ABAT: variants seen among roughly 807,000 people sequenced by gnomAD.
ABAT encodes 4-aminobutyrate aminotransferase, mitochondrial.
Under a neutral mutation model 64.6 loss-of-function variants are expected in ABAT, and 45 were observed. The observed-to-expected ratio is 0.70, with a 90% CI of 0.55 to 0.89. The LOEUF is 0.89. ABAT is among the 40% of genes least tolerant of loss of function. ABAT has a pLI of 0.00. For synonymous variants in ABAT, 297 were observed against 250.5 expected, an observed-to-expected ratio of 1.19 and a Z score of -1.75; for missense variants, 633 against 658.4, an observed-to-expected ratio of 0.96 and a Z score of 0.42.
intron 11 of ABAT, among the ~76,000 whole-genome samples, chr16:8,772,130 C>T (rs1327780487): frequency 2.0e-5 from 3 of 152,076 alleles, no homozygotes; most frequent in Non-Finnish European, 4.4e-5. Flanking sequence ...TCACACCAAT[C>T]ATAGCAATAA....
intron 3 of ABAT, among the ~76,000 whole-genome samples, chr16:8,747,267 C>G (rs960030734): frequency 2.0e-5 from 3 of 152,278 alleles, no homozygotes; most frequent in Admixed American, 6.5e-5. Flanking sequence ...CTTTCTAATG[C>G]AAATTTATTT....
At chr16:8,777,615 G>GA (rs1263754362) in intron 14 of ABAT, among the ~76,000 whole-genome samples, 1 of 152,176 alleles carries the variant, frequency 6.6e-6, no homozygotes, top group Non-Finnish European at 1.5e-5. Context: ...GCCTAAAGGG[G>GA]TGTCTAAATG....
intron 1 of ABAT, among the ~76,000 whole-genome samples, chr16:8,691,607 A>AT (rs2057583680): frequency 6.6e-6 from 1 of 152,100 alleles, no homozygotes; most frequent in Admixed American, 6.6e-5. Flanking sequence ...ACTCGGCAAC[A>AT]TTTTTGTATT....
At chr16:8,696,070 T>C (rs1034472252) in intron 1 of ABAT, among the ~76,000 whole-genome samples, 1 of 152,186 alleles carries the variant, frequency 6.6e-6, no homozygotes, top group African/African-American at 2.4e-5. Context: ...AAAATCCGCC[T>C]TCGATTTTGT....
chr16:8,676,781 A>G (rs976406143), intron 1 of ABAT, among the ~76,000 whole-genome samples: 10 of 152,168 alleles, frequency 6.6e-5, no homozygotes, highest in African/African-American at 2.4e-4. Context: ...CTTCCCTCCA[A>G]GGTCCCCTCC....
chr16:8,781,533 G>A lies in ABAT; in HGVS notation c.*103G>A, dbSNP rs1266363050. The A allele has an allele frequency of 1.4e-6, 2 of 1,420,524 alleles. No individual in the cohort carries two copies. Among genetic ancestry groups the A allele is most frequent in the East Asian group, 2.9e-5 (1 of 34,478 alleles). 88.0% of individuals were successfully genotyped at this position (1,420,524 alleles called of 1,614,324 possible). On this transcript the variant is annotated 3_prime_UTR_variant, in exon 16 of 16. Coordinates refer to ENST00000268251, the MANE Select transcript of ABAT (RefSeq NM_020686.6). The surrounding 1 kb of genome is among the most constrained non-coding windows in gnomAD (Gnocchi z 4.5). ...TCACTTAAAAGTATCAGAGGTGAAT[G>A]CACAGTGAAGGGTGATTTGTGGGGA...
Position 8,738,622 on chromosome 16 carries a change from G to GTTTTT in ABAT, c.70+2814_70+2818dup, listed in dbSNP as rs1204824310. Among the ~76,000 whole-genome samples, 23 of 111,368 alleles carry GTTTTT rather than the reference G, an allele frequency of 2.1e-4. 1 individual carries two copies. The highest frequency in any genetic ancestry group is 1.0e-3 in the African/African-American group (22 of 21,918). The allele number at this position is 111,368 out of a possible 152,430, so 73.1% of individuals were successfully genotyped here. A position where few individuals can be genotyped will look rare whatever the true frequency, so the allele number is the denominator to read the frequency against. ...CTTTTTTGTTTTTGTTTTTGTTTTT[G>GTTTTT]TTTTTGTTTTTTTTTTGGTGTGTGT... On this transcript the variant is annotated intron_variant, in intron 2 of 15. Transcript: ENST00000268251.
chr16:8,721,485 T>G (rs2058370172), intron 1 of ABAT, among the ~76,000 whole-genome samples: 1 of 152,140 alleles, frequency 6.6e-6, no homozygotes, highest in African/African-American at 2.4e-5. Flanking sequence ...AGTGTAAGCT[T>G]CTGGTGAGCG....
rs2058864379 is a variant in ABAT at position 8,734,809 on chromosome 16, C to T, written c.-41-890C>T. On this transcript the variant is annotated intron_variant, in intron 1 of 15. Coordinates refer to ENST00000268251, the MANE Select transcript of ABAT (RefSeq NM_020686.6). ...AGATGTACAGACAGAAGGAGGCACA[C>T]AAAACACATTTAAATGGTGTTCTGG... 2.0e-5 allele frequency among the ~76,000 whole-genome samples: 3 copies of T among 151,922 alleles called. No homozygotes were observed. In the South Asian group the frequency reaches 6.2e-4, roughly 32 times the overall value.
chr16:8,745,954 G>T lies in ABAT; in HGVS notation c.71-47G>T, dbSNP rs1327078503. On this transcript the variant is annotated intron_variant, in intron 2 of 15. Transcript: ENST00000268251. Reference sequence around the variant, plus strand: ...GCATCTGTCAGGGCAGAATCCTCATGATCTCTGCTGTCACCAGGGATTTCT... The same window carrying T: ...GCATCTGTCAGGGCAGAATCCTCATTATCTCTGCTGTCACCAGGGATTTCT... 3.2e-6 allele frequency: 5 copies of T among 1,567,738 alleles called. No homozygotes were observed. In the South Asian group the frequency reaches 4.5e-5, roughly 14 times the overall value.
chr16:8,749,042 T>G (rs1288595939), intron 4 of ABAT, among the ~76,000 whole-genome samples: 2 of 152,094 alleles, frequency 1.3e-5, no homozygotes, highest in Non-Finnish European at 1.5e-5. Flanking sequence ...ACAGCTGCCA[T>G]TTATTGTTGT....
At chr16:8,758,648 C>T (rs982478508) in intron 6 of ABAT, among the ~76,000 whole-genome samples, 1 of 152,098 alleles carries the variant, frequency 6.6e-6, no homozygotes, top group Non-Finnish European at 1.5e-5. Context: ...CCACTAAATG[C>T]CAGTAGCAAC....
intron 4 of ABAT, among the ~76,000 whole-genome samples, chr16:8,750,025 G>A (rs1000027811): frequency 6.6e-5 from 10 of 152,208 alleles, no homozygotes; most frequent in Admixed American, 5.9e-4. Flanking sequence ...CTCTTGTGAT[G>A]TTACTCATTT....
At chr16:8,778,117 C>T (rs936766465) in intron 14 of ABAT, among the ~76,000 whole-genome samples, 2 of 152,156 alleles carry the variant, frequency 1.3e-5, no homozygotes, top group African/African-American at 4.8e-5. Flanking sequence ...GTTTTCCAAG[C>T]CCTTGTTTGC....
chr16:8,715,633 T>TAAAAAAA (rs61191788), intron 1 of ABAT: 1 of 81,528 alleles, frequency 1.2e-5, no homozygotes, highest in Non-Finnish European at 2.3e-5. Context: ...ACCCTGTCTC[T>TAAAAAAA]AAAAAAAAAA....
In ABAT at chr16:8,781,483, T is replaced by G. The variant is rs1567321094; in HGVS notation, c.*53T>G. The G allele has an allele frequency of 6.2e-7, 1 of 1,610,098 alleles. No homozygotes were observed. The highest frequency in any genetic ancestry group is 1.7e-5 in the Admixed American group (1 of 59,986). On this transcript the variant is annotated 3_prime_UTR_variant, in exon 16 of 16. Coordinates refer to ENST00000268251, the MANE Select transcript of ABAT (RefSeq NM_020686.6). The surrounding 1 kb of genome is among the most constrained non-coding windows in gnomAD (Gnocchi z 4.5). ...GCCCGGATCCCAACAGTTGTCAAAT[T>G]GATTAGTTTGCCTAATTCATGTTTT...
rs1008721478 is a variant in ABAT at position 8,781,067 on chromosome 16, A to G, written c.1382-242A>G. 6.6e-6 allele frequency among the ~76,000 whole-genome samples: 1 copy of G among 152,070 alleles called. No individual in the cohort carries two copies. The highest frequency in any genetic ancestry group is 2.4e-5 in the African/African-American group (1 of 41,422). ...GAGGGAGGGAGGAAGGGAAAAAGGA[A>G]GTGTGGAGGGAAGGAAAGGAAGAAG... On this transcript the variant is annotated intron_variant, in intron 15 of 15. Coordinates refer to ENST00000268251, the MANE Select transcript of ABAT (RefSeq NM_020686.6). This position sits in a 1 kb window ranked among gnomAD's most constrained non-coding sequence, Gnocchi z 4.5.
intron 1 of ABAT, among the ~76,000 whole-genome samples, chr16:8,710,867 G>A (rs955383089): frequency 1.3e-5 from 2 of 152,120 alleles, no homozygotes; most frequent in Admixed American, 1.3e-4. Flanking sequence ...CTCTGGTTAG[G>A]TGGTTTCTAC....
At chr16:8,694,008 A>T (rs753853302) in intron 1 of ABAT, among the ~76,000 whole-genome samples, 4 of 151,550 alleles carry the variant, frequency 2.6e-5, no homozygotes, top group Admixed American at 6.6e-5. Context: ...TTTAATTTTA[A>T]TTTTTTTATT....
Sources: allele counts gnomAD v4.1 joint callset (sites outside exome capture counted in the v4.1 genomes callset), GRCh38; gene constraint gnomAD v4.1.1; non-coding constraint Gnocchi (gnomAD v3.1); transcripts MANE v1.5; gene names NCBI Gene and HGNC (gene_info 2026-07-23, HGNC 2026-07-21).